AKAP19: variants seen among roughly 807,000 people sequenced by gnomAD.
The protein encoded by AKAP19 is A-kinase anchoring protein 19.
the AKAP19 span, chr2:189,923,374 C>T: frequency 6.2e-7 from 1 of 1,612,562 alleles, no homozygotes; most frequent in Admixed American, 1.7e-5. Context: ...ATCCTCGTTC[C>T]ATGAACTCCC....
chr2:189,979,820 G>A, the AKAP19 span, among the ~76,000 whole-genome samples: 1 of 152,060 alleles, frequency 6.6e-6, no homozygotes, highest in South Asian at 2.1e-4. Context: ...ATGAAAAAAT[G>A]CTCCACATCA....
the AKAP19 span, among the ~76,000 whole-genome samples, chr2:189,961,862 A>G: frequency 2.9e-3 from 434 of 152,128 alleles, 1 homozygote; most frequent in Non-Finnish European, 4.4e-3. Context: ...CAGTGAGCCC[A>G]GATCACACCA....
chr2:190,042,667 C>T, the AKAP19 span, among the ~76,000 whole-genome samples: 87,972 of 151,960 alleles, frequency 0.58, 29,345 homozygotes, highest in South Asian at 0.78. Flanking sequence ...TGAATTTGAA[C>T]AATGCATAGA....
chr2:190,067,009 C>T, the AKAP19 span, among the ~76,000 whole-genome samples: 1 of 152,036 alleles, frequency 6.6e-6, no homozygotes, highest in East Asian at 1.9e-4. Flanking sequence ...GAGGTTTATC[C>T]CCTAAAGCAG....
the AKAP19 span, among the ~76,000 whole-genome samples, chr2:190,019,235 C>A: frequency 6.6e-6 from 1 of 152,274 alleles, no homozygotes; most frequent in East Asian, 1.9e-4. Context: ...AGCCCCTGAA[C>A]TTTGCCAAAA....
At chr2:190,177,608 G>A in the AKAP19 span, among the ~76,000 whole-genome samples, 4 of 152,292 alleles carry the variant, frequency 2.6e-5, no homozygotes, top group South Asian at 8.3e-4. The surrounding 1 kb of genome is among the most constrained non-coding windows in gnomAD (Gnocchi z 4.6). Flanking sequence ...TGACTGGTCT[G>A]CCTGAGGCAA....
chr2:189,988,986 T>C, the AKAP19 span, among the ~76,000 whole-genome samples: 1 of 152,228 alleles, frequency 6.6e-6, no homozygotes, highest in African/African-American at 2.4e-5. Context: ...TCCTGGCATA[T>C]GTCAATGCAA....
chr2:190,030,339 A>G, the AKAP19 span, among the ~76,000 whole-genome samples: 1 of 152,208 alleles, frequency 6.6e-6, no homozygotes, highest in Non-Finnish European at 1.5e-5. Context: ...GTAATAGAAA[A>G]TAAATACACA....
chr2:189,940,871 A>G, the AKAP19 span, among the ~76,000 whole-genome samples: 1 of 152,136 alleles, frequency 6.6e-6, no homozygotes, highest in East Asian at 1.9e-4. Context: ...AACCTGGGCG[A>G]CAGAGCAAGA....
At chr2:189,959,029 A>C in the AKAP19 span, among the ~76,000 whole-genome samples, 10 of 152,090 alleles carry the variant, frequency 6.6e-5, no homozygotes, top group African/African-American at 4.8e-5. Flanking sequence ...TGAAAGAAAG[A>C]AGCTCAGGAA....
At chr2:189,920,579 A>G in the AKAP19 span, among the ~76,000 whole-genome samples, 1 of 152,212 alleles carries the variant, frequency 6.6e-6, no homozygotes, top group Non-Finnish European at 1.5e-5. Context: ...ATAAGAAGCA[A>G]TCCTGCCCCA....
At chr2:189,941,612 A>C in the AKAP19 span, among the ~76,000 whole-genome samples, 1 of 150,888 alleles carries the variant, frequency 6.6e-6, no homozygotes, top group African/African-American at 2.5e-5. Context: ...ATAACTTGTC[A>C]TATCTATAAG....
the AKAP19 span, among the ~76,000 whole-genome samples, chr2:189,886,905 C>T: frequency 1.3e-5 from 2 of 152,036 alleles, no homozygotes; most frequent in Non-Finnish European, 1.5e-5. Flanking sequence ...AGAGCACACA[C>T]ACAAAAATGC....
the AKAP19 span, among the ~76,000 whole-genome samples, chr2:190,004,292 T>C: frequency 1.9e-3 from 293 of 151,598 alleles, 1 homozygote; most frequent in African/African-American, 6.7e-3. Context: ...AAAAAAACAT[T>C]CTCAGTTTAT....
At chr2:190,186,818 G>A in the AKAP19 span, among the ~76,000 whole-genome samples, 2 of 152,098 alleles carry the variant, frequency 1.3e-5, no homozygotes, top group African/African-American at 4.8e-5. The surrounding 1 kb of genome is among the most constrained non-coding windows in gnomAD (Gnocchi z 5.5). Flanking sequence ...TAGGAACTGA[G>A]ATATATGTAT....
chr2:189,900,218 A>G, the AKAP19 span, among the ~76,000 whole-genome samples: 1 of 152,168 alleles, frequency 6.6e-6, no homozygotes, highest in East Asian at 1.9e-4. Context: ...AATGAAATGC[A>G]TTTTTCAAAA....
the AKAP19 span, among the ~76,000 whole-genome samples, chr2:189,991,033 T>C: frequency 6.6e-6 from 1 of 152,244 alleles, no homozygotes; most frequent in African/African-American, 2.4e-5. Context: ...TTTTGCTCAT[T>C]TTTATGGCTG....
the AKAP19 span, among the ~76,000 whole-genome samples, chr2:190,059,780 C>T: frequency 1.4e-3 from 220 of 151,874 alleles, no homozygotes; most frequent in Non-Finnish European, 2.5e-3. Context: ...ATGAAAAGCA[C>T]TTTATATTTC....
the AKAP19 span, among the ~76,000 whole-genome samples, chr2:190,178,600 C>T: frequency 8.5e-4 from 130 of 152,322 alleles, 2 homozygotes; most frequent in East Asian, 0.021. This position sits in a 1 kb window ranked among gnomAD's most constrained non-coding sequence, Gnocchi z 6.3. Flanking sequence ...CCAGCTTGGC[C>T]AGCCCTATGA....
Sources: gnomAD v4.1 joint callset for allele counts (sites outside exome capture counted in the v4.1 genomes callset) on GRCh38, gnomAD v4.1.1 for gene constraint, Gnocchi (gnomAD v3.1) non-coding constraint, MANE v1.5 for transcripts, NCBI Gene and HGNC (gene_info 2026-07-23, HGNC 2026-07-21) for gene names.